Variants in ATP2B2 observed in about 807,000 individuals in gnomAD.
ATP2B2 encodes ATPase plasma membrane Ca2+ transporting 2, also known as plasma membrane calcium-transporting ATPase 2.
Under a neutral mutation model 120.0 loss-of-function variants are expected in ATP2B2, and 15 were observed. That is an observed-to-expected ratio of 0.12 (90% CI 0.08 to 0.19). The LOEUF is 0.19. Ranked by LOEUF, ATP2B2 falls within the 10% of genes least tolerant of loss-of-function variation. The probability of loss-of-function intolerance (pLI) is 1.00; values close to 1 mark genes in which losing one functional copy is unlikely to be tolerated. For missense variants in ATP2B2, 1,045 were observed against 1,719.8 expected, an observed-to-expected ratio of 0.61 and a Z score of 6.94; for synonymous variants, 694 against 700.3, an observed-to-expected ratio of 0.99 and a Z score of 0.14.
In ATP2B2 at chr3:10,479,696, T is replaced by G. The variant is rs576215091; in HGVS notation, c.-320+25769A>C. On this transcript the variant is annotated intron_variant, in intron 1 of 22. Transcript: ENST00000360273. ...TGTGTCTACGTTTTCATCACTACTGTATTCCTAGGGCCTAGCAGTGTCTAG... is the reference window on the plus strand; with the variant it reads ...TGTGTCTACGTTTTCATCACTACTGGATTCCTAGGGCCTAGCAGTGTCTAG... 2.6e-4 allele frequency among the ~76,000 whole-genome samples: 40 copies of G among 152,304 alleles called. 1 individual carries two copies. Among genetic ancestry groups the G allele is most frequent in the African/African-American group, 8.7e-4 (36 of 41,556 alleles).
intron 2 of ATP2B2, among the ~76,000 whole-genome samples, chr3:10,568,967 C>T (rs1395466620): frequency 2.0e-5 from 3 of 152,224 alleles, no homozygotes; most frequent in Non-Finnish European, 2.9e-5. Flanking sequence ...GAAACAACAA[C>T]TTGCCGAATA....
chr3:10,450,492 C>T (rs1178185111), intron 1 of ATP2B2, among the ~76,000 whole-genome samples: 1 of 152,200 alleles, frequency 6.6e-6, no homozygotes, highest in East Asian at 1.9e-4. Context: ...TCCCTCCCCA[C>T]TCAGGTCTCA....
intron 1 of ATP2B2, among the ~76,000 whole-genome samples, chr3:10,653,499 A>C (rs1265676743): frequency 6.6e-6 from 1 of 152,120 alleles, no homozygotes; most frequent in Non-Finnish European, 1.5e-5. Flanking sequence ...CTCAAGGGGG[A>C]ATTGATCCAC....
At chr3:10,526,503 A>G (rs985160378) in intron 3 of ATP2B2, among the ~76,000 whole-genome samples, 3 of 152,100 alleles carry the variant, frequency 2.0e-5, no homozygotes, top group Admixed American at 2.0e-4. Context: ...AGGGATTGGG[A>G]GGGCTTTTAG....
In ATP2B2 at chr3:10,535,407, G is replaced by GTGTA. The variant is rs1467419195; in HGVS notation, c.-414-1275_-414-1274insTACA. 1.6e-4 allele frequency among the ~76,000 whole-genome samples: 24 copies of GTGTA among 152,048 alleles called. 1 individual carries two copies. The East Asian group carries it at 3.7e-3, about 23-fold the overall frequency. ...TTGATGTGTGTGTGTGTGTGTGTGT[G>GTGTA]TGTGTGTGTGTAGCTCTATGAAATG... On this transcript the variant is annotated intron_variant, in intron 2 of 21. Coordinates refer to the ATP2B2 transcript ENST00000646379.
At chr3:10,377,405 T>C (rs1454661435) in intron 10 of ATP2B2, among the ~76,000 whole-genome samples, 1 of 152,224 alleles carries the variant, frequency 6.6e-6, no homozygotes, top group Non-Finnish European at 1.5e-5. Flanking sequence ...GCCTGTAATC[T>C]GCTTCCCTTC....
intron 12 of ATP2B2, among the ~76,000 whole-genome samples, chr3:10,371,345 T>A (rs753882938): frequency 6.6e-6 from 1 of 152,186 alleles, no homozygotes; most frequent in Admixed American, 6.5e-5. Context: ...AGCCTACAGT[T>A]CTGCCAAGAT....
intron 2 of ATP2B2, among the ~76,000 whole-genome samples, chr3:10,425,841 C>G (rs576485229): frequency 6.6e-6 from 1 of 152,232 alleles, no homozygotes; most frequent in Non-Finnish European, 1.5e-5. Flanking sequence ...ACCCTCAATT[C>G]GTACTCTACC....
chr3:10,484,365 C>T (rs997287199), intron 1 of ATP2B2, among the ~76,000 whole-genome samples: 26 of 152,086 alleles, frequency 1.7e-4, no homozygotes, highest in Admixed American at 3.9e-4. Context: ...ACAGGCTCCT[C>T]GGGTGAGATT....
chr3:10,519,250 T>A (rs532767426), intron 3 of ATP2B2, among the ~76,000 whole-genome samples: 1 of 152,360 alleles, frequency 6.6e-6, no homozygotes, highest in Admixed American at 6.5e-5. Flanking sequence ...ATACTGTGGA[T>A]TTGCCCTGTT....
At chr3:10,528,256 C>A (rs1416118647) in intron 3 of ATP2B2, among the ~76,000 whole-genome samples, 2 of 152,108 alleles carry the variant, frequency 1.3e-5, no homozygotes, top group African/African-American at 4.8e-5. Flanking sequence ...GGCTACGACG[C>A]GTGCATCTGG....
chr3:10,386,596 C>G, intron 6 of ATP2B2, 84 bp from the exon 7 acceptor site: 1 of 1,450,046 alleles, frequency 6.9e-7, no homozygotes, highest in Non-Finnish European at 9.7e-7. Context: ...CACACAAACA[C>G]ACATGTGCAT....
chr3:10,518,530 A>T (rs2066919685), intron 3 of ATP2B2, among the ~76,000 whole-genome samples: 1 of 151,674 alleles, frequency 6.6e-6, no homozygotes, highest in African/African-American at 2.4e-5. Context: ...TGAGAGTGCC[A>T]CTCTTGCCCC....
chr3:10,484,982 C>T (rs2125333801), intron 1 of ATP2B2, among the ~76,000 whole-genome samples: 1 of 152,318 alleles, frequency 6.6e-6, no homozygotes, highest in African/African-American at 2.4e-5. Context: ...GGCACAGTGC[C>T]TGGCACTGAC....
At chr3:10,501,880 G>T (rs1010626648) in intron 1 of ATP2B2, among the ~76,000 whole-genome samples, 66 of 152,340 alleles carry the variant, frequency 4.3e-4, no homozygotes, top group African/African-American at 1.6e-3. Flanking sequence ...GCTCCCCAGG[G>T]TGCGGAGTGA....
chr3:10,386,156 G>A (rs2061672361), intron 7 of ATP2B2, among the ~76,000 whole-genome samples: 1 of 152,180 alleles, frequency 6.6e-6, no homozygotes, highest in Admixed American at 6.5e-5. Flanking sequence ...GGGAGAGCAG[G>A]GCCTGAGGGG....
At chr3:10,640,192 G>A (rs11715030) in intron 1 of ATP2B2, among the ~76,000 whole-genome samples, 7,671 of 152,266 alleles carry the variant, frequency 0.05, 231 homozygotes, top group South Asian at 0.17. Flanking sequence ...GGACAAGGAA[G>A]CAGGATTTGA....
In ATP2B2 at chr3:10,556,604, G is replaced by T. The variant is rs562925362; in HGVS notation, c.-414-22471C>A. The stretch of plus-strand genomic sequence containing the variant: ...TGTTTGGAGAAGAAGGCTCCTAAGG[G>T]AGGAGAAGAGCAAGGGCGAAACCCC... On this transcript the variant is annotated intron_variant, in intron 2 of 21. Coordinates refer to the ATP2B2 transcript ENST00000646379. 1.4e-4 allele frequency among the ~76,000 whole-genome samples: 21 copies of T among 152,344 alleles called. 1 individual carries two copies. The East Asian group carries it at 3.7e-3, about 27-fold the overall frequency.
intron 2 of ATP2B2, among the ~76,000 whole-genome samples, chr3:10,419,179 T>TGGGG (rs1316050163): frequency 1.3e-5 from 2 of 152,162 alleles, no homozygotes; most frequent in Non-Finnish European, 2.9e-5. Flanking sequence ...GGACCAGAGA[T>TGGGG]GGGGATGTGT....
Sources: allele counts gnomAD v4.1 joint callset (sites outside exome capture counted in the v4.1 genomes callset), GRCh38; gene constraint gnomAD v4.1.1; transcripts MANE v1.5; gene names NCBI Gene and HGNC (gene_info 2026-07-23, HGNC 2026-07-21).